The following PARN variants were observed in gnomAD, a reference collection of about 807,000 sequenced individuals.
PARN encodes the protein poly(A)-specific ribonuclease PARN.
PARN carries 71 observed loss-of-function variants against 102.8 expected under a neutral mutation model. The ratio of observed to expected loss-of-function variants is 0.69; its 90% confidence interval spans 0.57 to 0.84. The LOEUF (loss-of-function observed/expected upper bound fraction) is 0.84. Among genes scored for constraint, PARN ranks in the 40% least tolerant of loss-of-function variants. The pLI is 0.00. For missense variants in PARN, 782 were observed against 760.9 expected (o/e 1.03, Z -0.33); for synonymous variants, 261 against 252.9 (o/e 1.03, Z -0.30).
intron 21 of PARN, among the ~76,000 whole-genome samples, chr16:14,499,205 C>G (rs1272941379): frequency 6.6e-6 from 1 of 152,196 alleles, no homozygotes; most frequent in Admixed American, 6.5e-5. Flanking sequence ...GACCTAAAGA[C>G]AGCATTCAGG....
intron 5 of PARN, among the ~76,000 whole-genome samples, chr16:14,623,080 GGT>G (rs2151817097): frequency 6.6e-6 from 1 of 151,290 alleles, no homozygotes; most frequent in East Asian, 2.0e-4. Context: ...CTCTAGCCTT[GGT>G]GACAGAGACT....
At chr16:14,586,435 A>C in intron 13 of PARN, 74 bp from the exon 14 acceptor site, 3 of 853,330 alleles carry the variant, frequency 3.5e-6, no homozygotes, top group Non-Finnish European at 5.8e-6. Context: ...TAAACAGCTC[A>C]AGTTCCATAG....
At chr16:14,451,887 A>AAAAAAAAAAAAAAC (rs1961475888) in intron 22 of PARN, among the ~76,000 whole-genome samples, 1 of 134,486 alleles carries the variant, frequency 7.4e-6, no homozygotes, top group Admixed American at 7.7e-5. Context: ...AAAAAAAAAA[A>AAAAAAAAAAAAAAC]AAAAATACAA....
chr16:14,492,048 C>CT (rs1964086011), intron 21 of PARN, among the ~76,000 whole-genome samples: 1 of 152,238 alleles, frequency 6.6e-6, no homozygotes, highest in Admixed American at 6.5e-5. Flanking sequence ...GCTAACCCAC[C>CT]TGCCTGCTCA....
intron 21 of PARN, among the ~76,000 whole-genome samples, chr16:14,496,113 T>C (rs922597052): frequency 6.6e-6 from 1 of 152,196 alleles, no homozygotes; most frequent in Non-Finnish European, 1.5e-5. Flanking sequence ...TCTCCTTCCA[T>C]GGCCAGGCAA....
intron 6 of PARN, among the ~76,000 whole-genome samples, chr16:14,612,889 G>A (rs1008486937): frequency 1.3e-5 from 2 of 151,404 alleles, no homozygotes; most frequent in Non-Finnish European, 2.9e-5. Context: ...GAGCCACCGC[G>A]CCCTACCACG....
At chr16:14,624,668 T>G (rs1972529987) in intron 5 of PARN, among the ~76,000 whole-genome samples, 1 of 152,202 alleles carries the variant, frequency 6.6e-6, no homozygotes, top group Non-Finnish European at 1.5e-5. Flanking sequence ...CCTGTAACCC[T>G]AGCACTTTGG....
At chr16:14,467,892 C>T (rs1199994014) in intron 22 of PARN, among the ~76,000 whole-genome samples, 2 of 152,212 alleles carry the variant, frequency 1.3e-5, no homozygotes, top group African/African-American at 4.8e-5. Flanking sequence ...AGTGGGAAGA[C>T]ATGTTCCAAG....
At chr16:14,597,752 G>C (rs576935084) in intron 12 of PARN, among the ~76,000 whole-genome samples, 1 of 151,926 alleles carries the variant, frequency 6.6e-6, no homozygotes, top group East Asian at 1.9e-4. Flanking sequence ...TGGTATTCTT[G>C]CCAAACCATA....
intron 5 of PARN, among the ~76,000 whole-genome samples, chr16:14,624,233 C>G (rs1370040342): frequency 2.0e-5 from 3 of 152,178 alleles, no homozygotes; most frequent in Non-Finnish European, 2.9e-5. Context: ...AATTTTCACC[C>G]TACTTAATAA....
At chr16:14,588,374 G>A (rs1309952880) in intron 13 of PARN, among the ~76,000 whole-genome samples, 2 of 152,210 alleles carry the variant, frequency 1.3e-5, no homozygotes, top group Non-Finnish European at 2.9e-5. Context: ...AACAAAGAGT[G>A]TGGGATTAAT....
At chr16:14,519,311 A>AAGGGG (rs1052425773) in intron 21 of PARN, among the ~76,000 whole-genome samples, 2 of 54,692 alleles carry the variant, frequency 3.7e-5, no homozygotes, top group Admixed American at 2.4e-4. Context: ...GAGGGAAGGG[A>AAGGGG]AGGGGAGGGG....
At chr16:14,527,499 G>C (rs1192577509) in intron 21 of PARN, among the ~76,000 whole-genome samples, 1 of 152,136 alleles carries the variant, frequency 6.6e-6, no homozygotes, top group African/African-American at 2.4e-5. Context: ...CGTCATGAAA[G>C]CTGAATTAGC....
chr16:14,583,004 A>G (rs1969624696), intron 16 of PARN, among the ~76,000 whole-genome samples: 1 of 152,188 alleles, frequency 6.6e-6, no homozygotes, highest in Non-Finnish European at 1.5e-5. Flanking sequence ...GTCCTCTACT[A>G]TGTTCCCAAG....
chr16:14,543,944 C>T (rs559209633), intron 21 of PARN, among the ~76,000 whole-genome samples: 1 of 152,316 alleles, frequency 6.6e-6, no homozygotes, highest in Admixed American at 6.5e-5. Context: ...CCTGTAATCC[C>T]AGCACTTTGG....
intron 21 of PARN, among the ~76,000 whole-genome samples, chr16:14,511,146 T>TA (rs993908550): frequency 3.3e-5 from 5 of 152,174 alleles, no homozygotes; most frequent in African/African-American, 9.6e-5. Context: ...CTTCCCTTGT[T>TA]AAAAAAATGT....
At chr16:14,629,714 G>T in intron 1 of PARN, 40 bp from the exon 2 acceptor site, 1 of 1,447,848 alleles carries the variant, frequency 6.9e-7, no homozygotes, top group Non-Finnish European at 9.7e-7. Context: ...CCAGTGGCCT[G>T]AATTCCTGCT....
At chr16:14,606,331 A>G (rs1408904613) in intron 10 of PARN, among the ~76,000 whole-genome samples, 153 bp downstream of exon 10, 1 of 151,906 alleles carries the variant, frequency 6.6e-6, no homozygotes, top group Non-Finnish European at 1.5e-5. Context: ...CCAGGAAGTC[A>G]AGGCTGCAGT....
intron 6 of PARN, among the ~76,000 whole-genome samples, chr16:14,611,046 C>G (rs1013290222): frequency 3.3e-5 from 5 of 152,166 alleles, no homozygotes; most frequent in Non-Finnish European, 7.3e-5. Flanking sequence ...TTATATTAGG[C>G]ACTGGGGAAT....
Sources: allele counts gnomAD v4.1 joint callset (sites outside exome capture counted in the v4.1 genomes callset), GRCh38; gene constraint gnomAD v4.1.1; transcripts MANE v1.5; gene names NCBI Gene and HGNC (gene_info 2026-07-23, HGNC 2026-07-21).